C3orf20: variants seen among roughly 807,000 people sequenced by gnomAD.
The protein encoded by C3orf20 is uncharacterized protein C3orf20.
Under a neutral mutation model 88.3 loss-of-function variants are expected in C3orf20, and 76 were observed. The observed-to-expected ratio is 0.86, with a 90% CI of 0.72 to 1.04. The LOEUF (loss-of-function observed/expected upper bound fraction) is 1.04, where lower values mean the gene tolerates loss of function less well. Ranked by LOEUF, C3orf20 falls within the 50% of genes least tolerant of loss-of-function variation. The pLI, the probability that C3orf20 is intolerant of heterozygous loss-of-function variation, is 0.00. For missense variants in C3orf20, 1,056 were observed against 1,123.3 expected (o/e 0.94, Z 0.86); for synonymous variants, 436 against 437.4 (o/e 1.00, Z 0.04).
At chr3:14,764,507 A>ATTATTATTATTATTATTGTTG (rs1286567408) in intron 15 of C3orf20, among the ~76,000 whole-genome samples, 6 of 132,758 alleles carry the variant, frequency 4.5e-5, no homozygotes, top group African/African-American at 1.8e-4. Flanking sequence ...TATTATTATT[A>ATTATTATTATTATTATTGTTG]TTGTTGTTGT....
chr3:14,728,568 C>G lies in C3orf20; in HGVS notation c.1820C>G (p.Ser607Cys), dbSNP rs563483009. 5.6e-6 allele frequency: 9 copies of G among 1,614,136 alleles called. No homozygotes were observed. The South Asian group carries it at 8.8e-5, about 16-fold the overall frequency. ...TACTCAGGAGAAAGTCTTTTACGATCTCAGTCAGGCCACCTGGAATCCTCA... is the reference window on the plus strand; with the variant it reads ...TACTCAGGAGAAAGTCTTTTACGATGTCAGTCAGGCCACCTGGAATCCTCA... ...SLYSGESLLR[S>C]QSGHLESSIA... The change falls in exon 12 of 17, where the codon TCT (serine) becomes TGT (cysteine). Residue 607 changes from serine to cysteine, a missense_variant. Ser to Cys is a moderately radical substitution (Grantham distance 112). Coordinates refer to ENST00000253697, the MANE Select transcript of C3orf20 (RefSeq NM_032137.5).
intron 1 of C3orf20, among the ~76,000 whole-genome samples, chr3:14,679,323 T>C (rs533609073): frequency 7.2e-5 from 11 of 152,266 alleles, no homozygotes; most frequent in African/African-American, 2.4e-4. Context: ...AAATAGAAAT[T>C]GGATAAATGG....
chr3:14,697,626 T>C (rs1026559048), intron 5 of C3orf20, among the ~76,000 whole-genome samples: 2 of 152,206 alleles, frequency 1.3e-5, no homozygotes. Flanking sequence ...TAGGTGTACA[T>C]GTGCCATGTT....
chr3:14,696,947 A>G (rs940003915), intron 5 of C3orf20, among the ~76,000 whole-genome samples: 1 of 152,144 alleles, frequency 6.6e-6, no homozygotes, highest in Non-Finnish European at 1.5e-5. Context: ...AAGATATACT[A>G]TTCTAGGGTA....
rs569651735 is a variant in C3orf20, at chr3:14,770,979, T to C, written c.2496-1088T>C. Among the ~76,000 whole-genome samples the C allele has an allele frequency of 2.6e-5, 4 of 152,214 alleles. No individual in the cohort carries two copies. The South Asian group carries it at 6.2e-4, about 24-fold the overall frequency. On this transcript the variant is annotated intron_variant, in intron 15 of 16. Transcript: ENST00000253697. ...AGGTAAGGAATAGCCACGTTTGTGT[T>C]GGCTGGAGCTGCTGTAACAAGGGGC...
At chr3:14,759,611 C>T (rs114438198) in intron 13 of C3orf20, among the ~76,000 whole-genome samples, 3,320 of 152,302 alleles carry the variant, frequency 0.022, 126 homozygotes, top group African/African-American at 0.076. Context: ...ATTCTGTGGA[C>T]CCCAGAGAGC....
chr3:14,737,689 A>G (rs906911225), intron 12 of C3orf20, among the ~76,000 whole-genome samples: 2 of 152,244 alleles, frequency 1.3e-5, no homozygotes, highest in Non-Finnish European at 2.9e-5. Flanking sequence ...AAGACAGCAA[A>G]AAAGTTTGCC....
chr3:14,732,318 C>G (rs2034562752), intron 12 of C3orf20, among the ~76,000 whole-genome samples: 2 of 152,192 alleles, frequency 1.3e-5, no homozygotes, highest in Admixed American at 1.3e-4. Context: ...GTCTTTTGCA[C>G]ATTTCAAAAT....
chr3:14,703,242 G>T lies in C3orf20; in HGVS notation c.858G>T (p.Leu286=). ...SDPCPEAREK[L]QELCRHIEAE... is the part of the protein sequence containing the mutation. ...CCTGCCCTGAGGCCCGGGAGAAGCT[G>T]CAGGAGTTGTGTCGCCACATGTGAG... The change falls in exon 6 of 17, where the codon CTG becomes CTT. Residue 286 remains leucine (L), a synonymous_variant. Transcript: ENST00000253697. 1 of 1,614,138 alleles carries T rather than the reference G, an allele frequency of 6.2e-7. No homozygotes were observed. The highest frequency in any genetic ancestry group is 8.5e-7 in the Non-Finnish European group (1 of 1,180,032).
At chr3:14,717,561 G>A (rs1265853178) in intron 9 of C3orf20, among the ~76,000 whole-genome samples, 1 of 152,146 alleles carries the variant, frequency 6.6e-6, no homozygotes, top group Non-Finnish European at 1.5e-5. Context: ...ATGGTGTCAG[G>A]TGGAGGTGGG....
At chr3:14,685,242 T>C (rs1430358617) in intron 4 of C3orf20, among the ~76,000 whole-genome samples, 3 of 152,196 alleles carry the variant, frequency 2.0e-5, no homozygotes, top group Non-Finnish European at 4.4e-5. Flanking sequence ...GGGAGGATAT[T>C]ACTTTTCAAA....
chr3:14,690,624 A>G (rs1038858338), intron 5 of C3orf20, among the ~76,000 whole-genome samples: 3 of 152,252 alleles, frequency 2.0e-5, no homozygotes, highest in Non-Finnish European at 4.4e-5. Flanking sequence ...AGACACACAC[A>G]GGAGAGGCTT....
At chr3:14,762,106 C>G (rs1036921064) in intron 15 of C3orf20, among the ~76,000 whole-genome samples, 2 of 152,168 alleles carry the variant, frequency 1.3e-5, no homozygotes, top group African/African-American at 4.8e-5. Context: ...GGGTATCACT[C>G]TGTTGGCCAG....
chr3:14,703,846 C>T (rs892120828), intron 6 of C3orf20, among the ~76,000 whole-genome samples: 1 of 152,192 alleles, frequency 6.6e-6, no homozygotes, highest in Non-Finnish European at 1.5e-5. Context: ...GCAATTTACT[C>T]AACATTTCTC....
In C3orf20 at chr3:14,757,650, G is replaced by T; in HGVS notation, c.2220G>T (p.Arg740=). The T allele has an allele frequency of 6.2e-7, 1 of 1,610,444 alleles. No individual in the cohort carries two copies. Among genetic ancestry groups the T allele is most frequent in the Non-Finnish European group, 8.5e-7 (1 of 1,177,280 alleles). ...ACACTCTCTACAACCACCAGCAGCG[G>T]GGCCGTGGCTCCCCCTGCATCCAGG... ...LLNTLYNHQQ[R]GRGSPCIQCR... is the part of the protein sequence containing the mutation. Residue 740 remains arginine, a synonymous_variant, in exon 13 of 17, where the codon CGG becomes CGT. Coordinates refer to ENST00000253697, the MANE Select transcript of C3orf20 (RefSeq NM_032137.5).
chr3:14,738,146 CATGA>C (rs1410754416), intron 12 of C3orf20, among the ~76,000 whole-genome samples: 1 of 150,270 alleles, frequency 6.7e-6, no homozygotes, highest in African/African-American at 2.5e-5. Context: ...TTTGACCTCC[CATGA>C]ATCACAAATA....
intron 1 of C3orf20, among the ~76,000 whole-genome samples, chr3:14,676,347 C>T (rs1483513296): frequency 6.6e-6 from 1 of 152,102 alleles, no homozygotes; most frequent in African/African-American, 2.4e-5. Context: ...AAAATAATCA[C>T]CTTTTCCTTA....
At chr3:14,763,703 G>A (rs545799001) in intron 15 of C3orf20, among the ~76,000 whole-genome samples, 1 of 152,308 alleles carries the variant, frequency 6.6e-6, no homozygotes, top group Non-Finnish European at 1.5e-5. Context: ...CGTGAACTGT[G>A]TAAAACACTC....
chr3:14,691,013 G>C (rs778999631), intron 5 of C3orf20, among the ~76,000 whole-genome samples: 1 of 152,352 alleles, frequency 6.6e-6, no homozygotes. Flanking sequence ...CATCATGGGC[G>C]TGCCTTGTAT....
Sources: gnomAD v4.1 joint callset for allele counts (sites outside exome capture counted in the v4.1 genomes callset) on GRCh38, gnomAD v4.1.1 for gene constraint, MANE v1.5 for transcripts, NCBI Gene and HGNC (gene_info 2026-07-23, HGNC 2026-07-21) for gene names.